The following RNF125 variants were observed in gnomAD, a reference collection of about 807,000 sequenced individuals.
RNF125 encodes ring finger protein 125.
Under a neutral mutation model 26.0 loss-of-function variants are expected in RNF125, and 21 were observed. The ratio of observed to expected loss-of-function variants is 0.81; its 90% CI spans 0.57 to 1.16. The LOEUF is 1.16. RNF125 is among the 50% of genes most tolerant of loss of function. The probability of loss-of-function intolerance (pLI) is 0.00; values close to 1 mark genes in which losing one functional copy is unlikely to be tolerated. For missense variants in RNF125, 270 were observed against 299.4 expected, an observed-to-expected ratio of 0.90 and a Z score of 0.72; for synonymous variants, 95 against 109.2, an observed-to-expected ratio of 0.87 and a Z score of 0.81.
At chr18:32,081,262 CAACA>C in the RNF125 span, among the ~76,000 whole-genome samples, 88 of 138,316 alleles carry the variant, frequency 6.4e-4, no homozygotes, top group Non-Finnish European at 9.3e-4. Flanking sequence ...AAGAAAAAAA[CAACA>C]AACAAAAAAT....
chr18:32,063,707 G>A (rs1297471303), intron 4 of RNF125, among the ~76,000 whole-genome samples: 1 of 152,158 alleles, frequency 6.6e-6, no homozygotes, highest in Non-Finnish European at 1.5e-5. Flanking sequence ...TAAGCAGACT[G>A]TGGGACATCC....
intron 4 of RNF125, among the ~76,000 whole-genome samples, chr18:32,057,563 T>TA (rs2039397699): frequency 6.6e-6 from 1 of 151,908 alleles, no homozygotes; most frequent in African/African-American, 2.4e-5. Context: ...TCAAACTCCT[T>TA]ACCTCAGGTG....
chr18:32,020,035 T>TTGAGA (rs1555690587), intron 1 of RNF125, among the ~76,000 whole-genome samples: 1 of 142,056 alleles, frequency 7.0e-6, no homozygotes, highest in African/African-American at 2.6e-5. Context: ...TGTGTGTGTT[T>TTGAGA]GAGAGAGAGA....
At position 32,019,061 on chromosome 18, in the gene RNF125, C is replaced by T. The variant is rs770108175; in HGVS notation, c.164+34C>T. The T allele has an allele frequency of 2.7e-5, 44 of 1,603,320 alleles. No individual in the cohort carries two copies. The East Asian group carries it at 9.8e-4, about 36-fold the overall frequency. On this transcript the variant is annotated intron_variant, in intron 1 of 5. Transcript: ENST00000217740. ...CAGGGGAGCTCGGTTTGCGCCCACCCCTAAGGAGGGCGATGTGGGGAAGCT... is the reference window on the plus strand; with the variant it reads ...CAGGGGAGCTCGGTTTGCGCCCACCTCTAAGGAGGGCGATGTGGGGAAGCT...
intron 1 of RNF125, among the ~76,000 whole-genome samples, chr18:32,031,512 A>G (rs1357381473): frequency 6.8e-5 from 10 of 146,928 alleles, no homozygotes; most frequent in African/African-American, 2.5e-4. Flanking sequence ...AAAAAAAAAA[A>G]GGGAAAACTG....
downstream of RNF125, chr18:32,075,914 T>C (rs1463462498): frequency 1.1e-5 from 16 of 1,477,668 alleles, no homozygotes; most frequent in Middle Eastern, 9.5e-4. Context: ...TTTTCCCTCC[T>C]GTGTGTTTTC....
intron 3 of RNF125, among the ~76,000 whole-genome samples, chr18:32,044,791 A>C (rs1251181186): frequency 6.6e-6 from 1 of 152,192 alleles, no homozygotes; most frequent in Non-Finnish European, 1.5e-5. Context: ...AACTATGTGC[A>C]TCAGCCTATA....
chr18:32,041,036 T>C (rs1179914828), intron 2 of RNF125, among the ~76,000 whole-genome samples: 6 of 152,216 alleles, frequency 3.9e-5, no homozygotes, highest in Non-Finnish European at 7.3e-5. Flanking sequence ...GCAGATTTCA[T>C]GTTTGAGGTT....
intron 4 of RNF125, among the ~76,000 whole-genome samples, chr18:32,056,637 AAAAG>A (rs2039386810): frequency 1.3e-5 from 2 of 151,446 alleles, no homozygotes; most frequent in Non-Finnish European, 2.9e-5. Context: ...AAAAAAAAAA[AAAAG>A]ACAATTATAG....
At chr18:32,061,631 C>T (rs1281597850) in intron 4 of RNF125, among the ~76,000 whole-genome samples, 2 of 152,178 alleles carry the variant, frequency 1.3e-5, no homozygotes, top group Non-Finnish European at 2.9e-5. Flanking sequence ...CTGTGATGCT[C>T]CTCCCTGCTG....
chr18:32,090,235 G>C, the RNF125 span, among the ~76,000 whole-genome samples: 3 of 152,200 alleles, frequency 2.0e-5, no homozygotes, highest in Non-Finnish European at 4.4e-5. Context: ...GACAGAGTGA[G>C]ATTCTGTCTC....
At chr18:32,055,162 G>A (rs914404254) in intron 4 of RNF125, among the ~76,000 whole-genome samples, 8 of 151,942 alleles carry the variant, frequency 5.3e-5, no homozygotes, top group African/African-American at 1.7e-4. Flanking sequence ...AGCTGGACCC[G>A]GTGGTGCACG....
At chr18:32,040,726 CATTT>C (rs1219809399) in intron 2 of RNF125, among the ~76,000 whole-genome samples, 3 of 152,148 alleles carry the variant, frequency 2.0e-5, no homozygotes, top group Non-Finnish European at 4.4e-5. Flanking sequence ...TTGATCAATT[CATTT>C]GTCAGTAGAT....
the RNF125 span, among the ~76,000 whole-genome samples, chr18:32,090,308 A>G: frequency 6.6e-6 from 1 of 152,202 alleles, no homozygotes; most frequent in Non-Finnish European, 1.5e-5. Context: ...AACTCAAAGA[A>G]CCATTTTATA....
downstream of RNF125, among the ~76,000 whole-genome samples, chr18:32,076,988 G>A (rs780201701): frequency 1.3e-5 from 2 of 152,096 alleles, no homozygotes; most frequent in Non-Finnish European, 2.9e-5. Flanking sequence ...AGAATGAGAA[G>A]TTATCTTATA....
At chr18:32,077,263 T>C (rs1353175954), downstream of RNF125, among the ~76,000 whole-genome samples, 3 of 151,562 alleles carry the variant, frequency 2.0e-5, no homozygotes, top group African/African-American at 4.8e-5. Context: ...TTTGAGGCTA[T>C]AGTGCACTAT....
At chr18:32,032,762 G>A (rs2039110861) in intron 1 of RNF125, among the ~76,000 whole-genome samples, 1 of 152,232 alleles carries the variant, frequency 6.6e-6, no homozygotes, top group Admixed American at 6.5e-5. Flanking sequence ...GGGAGGCTGA[G>A]GCAGGAGAAT....
intron 2 of RNF125, 88 bp downstream of exon 2, chr18:32,037,357 T>G: frequency 8.3e-6 from 4 of 482,956 alleles, no homozygotes; most frequent in African/African-American, 2.1e-5. Context: ...GACCCCATGG[T>G]ACGCACCTTT....
chr18:32,039,139 T>G (rs2039191430), intron 2 of RNF125, among the ~76,000 whole-genome samples: 1 of 148,978 alleles, frequency 6.7e-6, no homozygotes. Flanking sequence ...CAGTGGCTCA[T>G]GCCTGTAATC....
Sources: gnomAD v4.1 joint callset for allele counts (sites outside exome capture counted in the v4.1 genomes callset) on GRCh38, gnomAD v4.1.1 for gene constraint, MANE v1.5 for transcripts, NCBI Gene and HGNC (gene_info 2026-07-23, HGNC 2026-07-21) for gene names.